Variants in FAM200B observed in about 807,000 individuals in gnomAD.
FAM200B encodes the protein zinc finger BED-type containing 11.
A neutral mutation model predicts 33.1 loss-of-function variants in FAM200B; 32 were observed. That is an observed-to-expected ratio of 0.97 (90% confidence interval 0.73 to 1.30). FAM200B has a LOEUF of 1.30. FAM200B is among the 50% of genes most tolerant of loss of function. The pLI, the probability that FAM200B is intolerant of heterozygous loss-of-function variation, is 0.00. For missense variants in FAM200B, 741 were observed against 754.0 expected, an observed-to-expected ratio of 0.98 and a Z score of 0.20; for synonymous variants, 240 against 264.8, an observed-to-expected ratio of 0.91 and a Z score of 0.91.
At chr4:15,664,901 C>G in the FAM200B span, among the ~76,000 whole-genome samples, 28 of 151,960 alleles carry the variant, frequency 1.8e-4, no homozygotes, top group African/African-American at 6.8e-4. Flanking sequence ...TCCCCAACAG[C>G]CTACAGGTAC....
At chr4:15,645,581 C>T in the FAM200B span, among the ~76,000 whole-genome samples, 2 of 152,102 alleles carry the variant, frequency 1.3e-5, no homozygotes, top group Non-Finnish European at 2.9e-5. Context: ...GTGCTCGCCA[C>T]CACGCCCGGC....
chr4:15,660,585 C>T, the FAM200B span, among the ~76,000 whole-genome samples: 1 of 152,318 alleles, frequency 6.6e-6, no homozygotes, highest in African/African-American at 2.4e-5. Context: ...CCTACCTACC[C>T]ACAAGATCTA....
chr4:15,679,262 CA>C (rs1397965563), upstream of FAM200B, among the ~76,000 whole-genome samples: 1 of 152,004 alleles, frequency 6.6e-6, no homozygotes, highest in East Asian at 1.9e-4. Flanking sequence ...AGGGTTTCAC[CA>C]TGTTGGTCAG....
At chr4:15,659,543 A>G in the FAM200B span, among the ~76,000 whole-genome samples, 1 of 152,186 alleles carries the variant, frequency 6.6e-6, no homozygotes, top group African/African-American at 2.4e-5. Flanking sequence ...TAACTGTCCA[A>G]ATATAGAGTA....
In FAM200B at chr4:15,689,435, C is replaced by G. The variant is rs1719203351; in HGVS notation, c.*484C>G. The G allele has an allele frequency of 1.8e-5, 3 of 167,142 alleles. No individual in the cohort carries two copies. In the South Asian group the frequency reaches 6.2e-4, roughly 35 times the overall value. The allele number at this position is 167,142 out of a possible 1,614,324, so 10.4% of individuals were successfully genotyped here. A position where few individuals can be genotyped will look rare whatever the true frequency, so the allele number is the denominator to read the frequency against. On this transcript the variant is annotated 3_prime_UTR_variant, in exon 2 of 2. Coordinates refer to ENST00000422728, the MANE Select transcript of FAM200B (RefSeq NM_001145191.2). ...GATCTGAGCTAGGTTTTAAAAGACA[C>G]TCTGGTCACTATTTTAAATTCTTAG...
the FAM200B span, among the ~76,000 whole-genome samples, chr4:15,666,023 T>TTA: frequency 5.4e-5 from 8 of 148,260 alleles, no homozygotes; most frequent in South Asian, 1.1e-3. Context: ...AACCTTTTTT[T>TTA]AAAAAAAAAA....
the FAM200B span, among the ~76,000 whole-genome samples, chr4:15,640,215 A>C: frequency 6.6e-6 from 1 of 151,758 alleles, no homozygotes; most frequent in East Asian, 1.9e-4. Context: ...TGATTTTTTT[A>C]ATTTTTAGCA....
the FAM200B span, among the ~76,000 whole-genome samples, chr4:15,671,447 TTTTG>T: frequency 4.6e-5 from 7 of 151,676 alleles, no homozygotes; most frequent in Non-Finnish European, 8.8e-5. Context: ...TGGTTTGGGT[TTTTG>T]TTTAAGAGAC....
the FAM200B span, among the ~76,000 whole-genome samples, chr4:15,659,555 T>A: frequency 2.0e-5 from 3 of 152,200 alleles, no homozygotes; most frequent in African/African-American, 7.2e-5. Flanking sequence ...TATAGAGTAG[T>A]CCCATTCCTT....
chr4:15,678,242 C>T (rs1301133206), upstream of FAM200B, among the ~76,000 whole-genome samples: 1 of 152,130 alleles, frequency 6.6e-6, no homozygotes, highest in East Asian at 1.9e-4. Flanking sequence ...TTCTCATTTG[C>T]AATTTTATCT....
At chr4:15,681,557 AG>A (rs1381974398), upstream of FAM200B, 1 of 154,216 alleles carries the variant, frequency 6.5e-6, no homozygotes, top group Non-Finnish European at 1.5e-5. Context: ...GGTGTCTCCT[AG>A]GGTTTCTTGT....
At chr4:15,656,114 A>T in the FAM200B span, 1 of 452,830 alleles carries the variant, frequency 2.2e-6, no homozygotes, top group Non-Finnish European at 4.4e-6. Flanking sequence ...GATAGGCCCG[A>T]CGGGCCTTGG....
At chr4:15,649,905 C>T in the FAM200B span, among the ~76,000 whole-genome samples, 6 of 152,016 alleles carry the variant, frequency 3.9e-5, no homozygotes, top group South Asian at 4.1e-4. Context: ...ACAACAAAAC[C>T]GAGACCAAGT....
chr4:15,676,356 T>C, the FAM200B span, among the ~76,000 whole-genome samples: 11 of 152,226 alleles, frequency 7.2e-5, no homozygotes, highest in Middle Eastern at 3.4e-3. Flanking sequence ...GGTTGAAAGA[T>C]TGTATGAGGA....
At chr4:15,680,768 A>G (rs561656768), upstream of FAM200B, among the ~76,000 whole-genome samples, 6 of 152,164 alleles carry the variant, frequency 3.9e-5, no homozygotes, top group South Asian at 2.1e-4. Context: ...TGAGAAAGAG[A>G]AATGCTGATA....
chr4:15,647,477 T>C, the FAM200B span, among the ~76,000 whole-genome samples: 1 of 152,018 alleles, frequency 6.6e-6, no homozygotes, highest in Non-Finnish European at 1.5e-5. Context: ...TCCCACAAAA[T>C]AGGAGGATAC....
At chr4:15,670,581 T>A in the FAM200B span, among the ~76,000 whole-genome samples, 1 of 152,192 alleles carries the variant, frequency 6.6e-6, no homozygotes, top group Non-Finnish European at 1.5e-5. Context: ...CTGGGATGCA[T>A]ATATAGCCAG....
chr4:15,650,049 A>T, the FAM200B span, among the ~76,000 whole-genome samples: 8 of 152,206 alleles, frequency 5.3e-5, no homozygotes, highest in African/African-American at 1.9e-4. Context: ...TCACCAAGGC[A>T]GTAATTTTGC....
chr4:15,656,630 CCA>C, the FAM200B span, among the ~76,000 whole-genome samples: 4 of 152,166 alleles, frequency 2.6e-5, no homozygotes, highest in Admixed American at 6.5e-5. Flanking sequence ...AGTGGTTAAA[CCA>C]CAGACTCTGG....
Sources: allele counts gnomAD v4.1 joint callset (sites outside exome capture counted in the v4.1 genomes callset), GRCh38; gene constraint gnomAD v4.1.1; transcripts MANE v1.5; gene names NCBI Gene and HGNC (gene_info 2026-07-23, HGNC 2026-07-21).